PRMT8: variants seen among roughly 807,000 people sequenced by gnomAD.
The protein encoded by PRMT8 is protein arginine N-methyltransferase 8.
In PRMT8, 7 loss-of-function variants were observed where a neutral mutation model predicts 47.1. That is an observed-to-expected ratio of 0.15 (90% CI 0.08 to 0.28). PRMT8 has a LOEUF of 0.28. PRMT8 is among the 10% of genes least tolerant of loss of function. PRMT8 has a pLI of 1.00. For missense variants in PRMT8, 237 were observed against 505.4 expected (o/e 0.47, Z 5.09); for synonymous variants, 188 against 186.5 (o/e 1.01, Z -0.07).
At chr12:3,496,214 A>ATATATATATATATTTTTTTTTTTTTTTTT in intron 1 of PRMT8, among the ~76,000 whole-genome samples, 1 of 27,754 alleles carries the variant, frequency 3.6e-5, no homozygotes, top group African/African-American at 8.8e-5. Context: ...ATATATATAT[A>ATATATATATATATTTTTTTTTTTTTTTTT]TTTTTTTTTT....
At chr12:3,591,207 T>C (rs1867294013) in intron 8 of PRMT8, among the ~76,000 whole-genome samples, 1 of 151,802 alleles carries the variant, frequency 6.6e-6, no homozygotes, top group Non-Finnish European at 1.5e-5. Context: ...ATGGCAGATA[T>C]GGGGGAGGCG....
chr12:3,544,883 G>A (rs1164039646), intron 2 of PRMT8, among the ~76,000 whole-genome samples: 3 of 152,300 alleles, frequency 2.0e-5, no homozygotes, highest in Non-Finnish European at 4.4e-5. Context: ...TTACAAAATG[G>A]TGCAGTTTGG....
In PRMT8 at chr12:3,540,633, C is replaced by CCCCCCCCCCCCCCCCCCCCCA; in HGVS notation, c.103_104insCCCCCCCCCCCCCCCCCCCCA (p.Gln35delinsProProProProProProProLys). ...GAACAGCCCCCCCTCCCAGCCCCCC[C>CCCCCCCCCCCCCCCCCCCCCA]AGCCCGTCGTCCCTGCTAAGCCCGT... On this transcript the variant is annotated protein_altering_variant, in exon 2 of 10. Transcript: ENST00000382622. 20 of 1,553,124 alleles carry CCCCCCCCCCCCCCCCCCCCCA rather than the reference C, an allele frequency of 1.3e-5. No individual in the cohort carries two copies. Among genetic ancestry groups the CCCCCCCCCCCCCCCCCCCCCA allele is most frequent in the South Asian group, 7.8e-5 (7 of 89,528 alleles).
At chr12:3,389,728 G>A (rs529020190) in intron 1 of PRMT8, among the ~76,000 whole-genome samples, 1 of 152,340 alleles carries the variant, frequency 6.6e-6, no homozygotes, top group African/African-American at 2.4e-5. Flanking sequence ...TTATGCGGCT[G>A]CTTGGGAGTT....
chr12:3,403,876 C>CAAAAAA (rs1315547758), intron 1 of PRMT8, among the ~76,000 whole-genome samples: 14 of 75,180 alleles, frequency 1.9e-4, no homozygotes, highest in Non-Finnish European at 2.7e-4. Flanking sequence ...GACTCTGTCT[C>CAAAAAA]AAAAAAAAAA....
chr12:3,506,279 T>A (rs1463231893), intron 1 of PRMT8, among the ~76,000 whole-genome samples: 1 of 152,196 alleles, frequency 6.6e-6, no homozygotes, highest in African/African-American at 2.4e-5. Flanking sequence ...TGGCACATGG[T>A]AAATACTCAA....
chr12:3,411,208 G>A (rs1190312292), intron 1 of PRMT8, among the ~76,000 whole-genome samples: 3 of 152,154 alleles, frequency 2.0e-5, no homozygotes, highest in African/African-American at 4.8e-5. Context: ...TGACAAGGCC[G>A]CTAAAAGCTC....
At chr12:3,520,780 C>T (rs912148696) in intron 1 of PRMT8, among the ~76,000 whole-genome samples, 1 of 152,176 alleles carries the variant, frequency 6.6e-6, no homozygotes, top group African/African-American at 2.4e-5. Context: ...TATAAGGCCA[C>T]AATGACACTA....
In PRMT8 at chr12:3,422,272, A is replaced by G. The variant is rs1171259340; in HGVS notation, c.48+40830A>G. 2.0e-5 allele frequency among the ~76,000 whole-genome samples: 3 copies of G among 152,204 alleles called. No homozygotes were observed. In the East Asian group the frequency reaches 5.8e-4, roughly 29 times the overall value. On this transcript the variant is annotated intron_variant, in intron 1 of 9. Coordinates refer to the PRMT8 transcript ENST00000452611. ...CAACCTTCGTGGTTACCTGGACAGA[A>G]CTTTGGTATCATGTAGGAGGACAAG...
chr12:3,569,290 T>A lies in PRMT8; in HGVS notation c.625-187T>A, dbSNP rs866221150. On this transcript the variant is annotated intron_variant, in intron 5 of 9. Transcript: ENST00000382622. This position sits in a 1 kb window ranked among gnomAD's most constrained non-coding sequence, Gnocchi z 8.2. ...TGACTCCACCTAGGTCCCTTAAATT[T>A]TCCTTGCTCCAAAATAAAAATTGAG... 6.6e-6 allele frequency among the ~76,000 whole-genome samples: 1 copy of A among 152,184 alleles called. No homozygotes were observed. The highest frequency in any genetic ancestry group is 2.4e-5 in the African/African-American group (1 of 41,434).
chr12:3,568,560 T>C (rs747058876), intron 4 of PRMT8, 146 bp from the exon 5 acceptor site: 4 of 830,446 alleles, frequency 4.8e-6, no homozygotes, highest in Admixed American at 2.8e-5. Context: ...TGGTATAAAC[T>C]AGTTTGGTAA....
At chr12:3,449,331 G>T (rs1479207205) in intron 1 of PRMT8, among the ~76,000 whole-genome samples, 2 of 152,182 alleles carry the variant, frequency 1.3e-5, no homozygotes, top group Non-Finnish European at 2.9e-5. Context: ...CACAATGGTT[G>T]AATGAATTTA....
intron 1 of PRMT8, among the ~76,000 whole-genome samples, chr12:3,457,152 T>A (rs1243780091): frequency 6.6e-6 from 1 of 152,134 alleles, no homozygotes; most frequent in Non-Finnish European, 1.5e-5. Flanking sequence ...AGTGTCTGAG[T>A]GAGCTCTGTG....
upstream of PRMT8, among the ~76,000 whole-genome samples, chr12:3,488,761 G>A (rs1284897860): frequency 6.6e-6 from 1 of 152,196 alleles, no homozygotes; most frequent in African/African-American, 2.4e-5. Flanking sequence ...GAATTCACAG[G>A]AATGGTAGGG....
intron 1 of PRMT8, chr12:3,469,084 G>A: frequency 2.1e-6 from 1 of 476,024 alleles, no homozygotes; most frequent in Non-Finnish European, 4.1e-6. Flanking sequence ...GAAACACAGT[G>A]GAGGCCGCAG....
Position 3,540,717 on chromosome 12 carries a change from A to G in PRMT8, c.187A>G (p.Lys63Glu). The G allele has an allele frequency of 1.2e-6, 2 of 1,606,484 alleles. No homozygotes were observed. The highest frequency in any genetic ancestry group is 1.7e-6 in the Non-Finnish European group (2 of 1,176,458). The change falls in exon 2 of 10, where the codon AAG becomes GAG. Residue 63 changes from lysine to glutamate, a missense_variant. Physicochemically the swap from Lys to Glu is moderately conservative, Grantham distance 56 (BLOSUM62 1). This residue lies in a region of PRMT8 where 32 missense variants were observed against 73.7 expected (regional missense o/e 0.43). Coordinates refer to ENST00000382622, the MANE Select transcript of PRMT8 (RefSeq NM_019854.5). ...CTGCCCAGGACGGGGCAAGATGTCCAAGCTGCTGAACCCAGAGGAGATGAC... is the reference window on the plus strand; with the variant it reads ...CTGCCCAGGACGGGGCAAGATGTCCGAGCTGCTGAACCCAGAGGAGATGAC... ...PSCPGRGKMS[K>E]LLNPEEMTSR... is the part of the protein sequence containing the mutation.
At chr12:3,388,257 G>A (rs1281786660) in intron 1 of PRMT8, among the ~76,000 whole-genome samples, 1 of 152,086 alleles carries the variant, frequency 6.6e-6, no homozygotes, top group East Asian at 1.9e-4. Context: ...AATCCCTTTA[G>A]TTTAGATTTG....
chr12:3,521,466 C>G lies in PRMT8; in HGVS notation c.76-19140C>G, dbSNP rs1195822005. ...GCAGGCACCTGTAATCCCAGCTACT[C>G]AGGAGGCTGAGGCAGGAGAATCACT... On this transcript the variant is annotated intron_variant, in intron 1 of 9. Coordinates refer to ENST00000382622, the MANE Select transcript of PRMT8 (RefSeq NM_019854.5). 2.0e-5 allele frequency among the ~76,000 whole-genome samples: 3 copies of G among 152,072 alleles called. No homozygotes were observed. The East Asian group carries it at 5.8e-4, about 29-fold the overall frequency.
chr12:3,564,457 C>A lies in PRMT8; in HGVS notation c.482-4249C>A, dbSNP rs1866686010. ...AGATTTCTGTAAGAACCACTCAAAC[C>A]AAAAAGAAAAAATTCCACTCAAAAC... On this transcript the variant is annotated intron_variant, in intron 4 of 9. Coordinates refer to ENST00000382622, the MANE Select transcript of PRMT8 (RefSeq NM_019854.5). This position sits in a 1 kb window ranked among gnomAD's most constrained non-coding sequence, Gnocchi z 4.0. Among the ~76,000 whole-genome samples, 1 of 152,062 alleles carries A rather than the reference C, an allele frequency of 6.6e-6. No individual in the cohort carries two copies. The highest frequency in any genetic ancestry group is 6.5e-5 in the Admixed American group (1 of 15,282).
Sources: gnomAD v4.1 joint callset for allele counts (sites outside exome capture counted in the v4.1 genomes callset) on GRCh38, gnomAD v4.1.1 for gene constraint, gnomAD v4.1.1 regional missense constraint, Gnocchi (gnomAD v3.1) non-coding constraint, MANE v1.5 for transcripts, NCBI Gene and HGNC (gene_info 2026-07-23, HGNC 2026-07-21) for gene names.